HDLBP: variants seen among roughly 807,000 people sequenced by gnomAD.
HDLBP encodes high density lipoprotein binding protein, also known as vigilin.
HDLBP carries 30 observed loss-of-function variants against 137.3 expected under a neutral mutation model. That is an observed-to-expected ratio of 0.22 (90% CI 0.16 to 0.30). HDLBP has a LOEUF of 0.30. Ranked by LOEUF, HDLBP falls within the 10% of genes least tolerant of loss-of-function variation. HDLBP has a pLI of 1.00. For missense variants in HDLBP, 1,119 were observed against 1,667.3 expected (o/e 0.67, Z 5.73); for synonymous variants, 606 against 596.0 (o/e 1.02, Z -0.24).
chr2:241,274,298 C>T (rs1393333517), intron 1 of HDLBP, among the ~76,000 whole-genome samples: 4 of 152,166 alleles, frequency 2.6e-5, no homozygotes, highest in East Asian at 1.9e-4. Context: ...AGAACACCTG[C>T]GGCTTGACGC....
intron 5 of HDLBP, among the ~76,000 whole-genome samples, 154 bp from the exon 6 acceptor site, chr2:241,256,960 A>G (rs1189670876): frequency 6.6e-6 from 1 of 152,198 alleles, no homozygotes; most frequent in African/African-American, 2.4e-5. Context: ...TAAACATCAC[A>G]TGCTTGGGGA....
intron 27 of HDLBP, 44 bp from the exon 28 acceptor site, chr2:241,229,731 A>G (rs774026826): frequency 3.8e-5 from 62 of 1,611,192 alleles, no homozygotes; most frequent in Non-Finnish European, 4.8e-5. Flanking sequence ...ATGCTCCCCA[A>G]CTCGCAAGCA....
chr2:241,279,919 C>T (rs1388555013), intron 1 of HDLBP: 1 of 985,252 alleles, frequency 1.0e-6, no homozygotes, highest in Non-Finnish European at 1.2e-6. Flanking sequence ...GCAGCCTACT[C>T]CTCTCTTTGC....
At chr2:241,271,029 C>T in intron 1 of HDLBP, 1 of 985,398 alleles carries the variant, frequency 1.0e-6, no homozygotes. Context: ...CCCTGCATGG[C>T]TGTAAACGCT....
chr2:241,267,567 TC>T, intron 2 of HDLBP: 1 of 1,535,250 alleles, frequency 6.5e-7, no homozygotes, highest in East Asian at 2.4e-5. Context: ...GTCAATTTGC[TC>T]ACCACACACC....
At chr2:241,299,360 T>C (rs2075305947) in intron 1 of HDLBP, among the ~76,000 whole-genome samples, 1 of 149,748 alleles carries the variant, frequency 6.7e-6, no homozygotes, top group South Asian at 2.1e-4. Flanking sequence ...CTACTAAAAA[T>C]ACAAAAATTA....
intron 1 of HDLBP, among the ~76,000 whole-genome samples, chr2:241,285,317 C>T (rs975545022): frequency 6.6e-6 from 1 of 152,370 alleles, no homozygotes; most frequent in African/African-American, 2.4e-5. Context: ...TATCACAAAC[C>T]TGCAGTGTCT....
intron 5 of HDLBP, among the ~76,000 whole-genome samples, chr2:241,261,577 C>G (rs2073189358): frequency 6.6e-6 from 1 of 152,170 alleles, no homozygotes; most frequent in East Asian, 1.9e-4. Context: ...GCCCTTTCCC[C>G]TACAGTGTTG....
rs2070939408 is a variant in HDLBP at position 241,239,243 on chromosome 2, G to A, written c.2610+359C>T. Among the ~76,000 whole-genome samples the A allele has an allele frequency of 6.6e-6, 1 of 152,192 alleles. No homozygotes were observed. Among genetic ancestry groups the A allele is most frequent in the African/African-American group, 2.4e-5 (1 of 41,428 alleles). ...TCAAATCGATTTTCTTTCCTTCACA[G>A]AGGGGAGAAGAGAGCTGACCCCTTA... On this transcript the variant is annotated intron_variant, in intron 19 of 27. Transcript: ENST00000310931. The surrounding 1 kb of genome is among the most constrained non-coding windows in gnomAD (Gnocchi z 4.6).
Position 241,272,404 on chromosome 2 carries a change from A to G in HDLBP, c.-102-3863T>C. On this transcript the variant is annotated intron_variant, in intron 1 of 27. Transcript: ENST00000310931. The surrounding 1 kb of genome is among the most constrained non-coding windows in gnomAD (Gnocchi z 5.6). ...CCCCTCCGCGCCGTGCGGCCACGGC[A>G]CCAGGGGTGCCCCACCGAAGCCCCG... The G allele has an allele frequency of 1.0e-6, 1 of 984,086 alleles. No individual in the cohort carries two copies. Among genetic ancestry groups the G allele is most frequent in the Non-Finnish European group, 1.2e-6 (1 of 829,512 alleles). The allele number at this position is 984,086 out of a possible 1,614,324, so 61.0% of individuals were successfully genotyped here.
At chr2:241,242,787 C>A (rs576130934) in intron 16 of HDLBP, 109 bp from the exon 17 acceptor site, 2 of 966,076 alleles carry the variant, frequency 2.1e-6, no homozygotes, top group South Asian at 3.0e-5. Context: ...AGGCCTAGAG[C>A]CCTGGAGATG....
intron 1 of HDLBP, among the ~76,000 whole-genome samples, chr2:241,285,891 G>C (rs1034432028): frequency 3.9e-5 from 6 of 152,120 alleles, no homozygotes; most frequent in Admixed American, 1.3e-4. Context: ...AAAACAATTA[G>C]CCTGTGCCTG....
intron 24 of HDLBP, among the ~76,000 whole-genome samples, chr2:241,232,999 A>T (rs1273712398): frequency 6.9e-6 from 1 of 145,392 alleles, no homozygotes; most frequent in East Asian, 2.3e-4. Context: ...GGGAAGGGGA[A>T]GGGGAAGCAG....
rs1339596954 is a variant in HDLBP, at chr2:241,240,096, G to C, written c.2196C>G (p.Ile732Met). 1.9e-6 allele frequency: 3 copies of C among 1,614,176 alleles called. No individual in the cohort carries two copies. Among genetic ancestry groups the C allele is most frequent in the Non-Finnish European group, 2.5e-6 (3 of 1,180,048 alleles). The change falls in exon 18 of 28, where the codon ATC (isoleucine) becomes ATG (methionine). Residue 732 changes from isoleucine (I) to methionine (M), a missense_variant. Ile to Met is a conservative substitution (Grantham distance 10). Coordinates refer to ENST00000310931, the MANE Select transcript of HDLBP (RefSeq NM_005336.6). The surrounding 1 kb of genome is among the most constrained non-coding windows in gnomAD (Gnocchi z 5.5). ...ATTTGTGGTATTCTGGCTTGGCGCG[G>C]ATGTCAACAGTGAAACTCTTGGTTT... ...EKQTKSFTVD[I>M]RAKPEYHKFL...
At chr2:241,264,375 A>AG in intron 4 of HDLBP, 73 bp downstream of exon 4, 1 of 1,204,718 alleles carries the variant, frequency 8.3e-7, no homozygotes, top group Non-Finnish European at 1.2e-6. Context: ...AAAAAAAAAA[A>AG]GAAAAAAAAT....
At position 241,277,332 on chromosome 2, in the gene HDLBP, AAAGAT is replaced by A. The variant is rs371637885; in HGVS notation, c.-102-8796_-102-8792del. 4.1e-4 allele frequency among the ~76,000 whole-genome samples: 62 copies of A among 152,318 alleles called. 1 individual carries two copies. The highest frequency in any genetic ancestry group is 1.4e-3 in the African/African-American group (60 of 41,582). On this transcript the variant is annotated intron_variant, in intron 1 of 27. Transcript: ENST00000310931. ...AAACAAAAGAAAGGTAGAAGGAAAT[AAAGAT>A]AAGATATTAATGAACTAAAAGACAT... is the stretch of plus-strand genomic sequence containing the variant.
At chr2:241,278,957 G>A (rs866880659) in intron 1 of HDLBP, among the ~76,000 whole-genome samples, 1 of 152,132 alleles carries the variant, frequency 6.6e-6, no homozygotes, top group Non-Finnish European at 1.5e-5. Flanking sequence ...CCCAGGAGGC[G>A]GATGCTGCAG....
At chr2:241,314,831 G>A (rs1158661800) in intron 1 of HDLBP, among the ~76,000 whole-genome samples, 3 of 152,208 alleles carry the variant, frequency 2.0e-5, no homozygotes, top group Non-Finnish European at 4.4e-5. Context: ...TCAGCCATTA[G>A]GAACTCAGGA....
In HDLBP at chr2:241,272,575, G is replaced by C; in HGVS notation, c.-102-4034C>G. On this transcript the variant is annotated intron_variant, in intron 1 of 27. Transcript: ENST00000310931. The surrounding 1 kb of genome is among the most constrained non-coding windows in gnomAD (Gnocchi z 5.6). ...CCCAGGTCTGGCCCGGAACCGCCAC[G>C]CGCGGTAAGCAGGACACCCGCGGGC... 1.0e-6 allele frequency: 1 copy of C among 984,142 alleles called. No homozygotes were observed. Among genetic ancestry groups the C allele is most frequent in the South Asian group, 4.7e-5 (1 of 21,262 alleles). 61.0% of individuals were successfully genotyped at this position (984,142 alleles called of 1,614,324 possible). A position where few individuals can be genotyped will look rare whatever the true frequency, so the allele number is the denominator to read the frequency against.
Sources: allele counts gnomAD v4.1 joint callset (sites outside exome capture counted in the v4.1 genomes callset), GRCh38; gene constraint gnomAD v4.1.1; non-coding constraint Gnocchi (gnomAD v3.1); transcripts MANE v1.5; gene names NCBI Gene and HGNC (gene_info 2026-07-23, HGNC 2026-07-21).